RNGTT: variants seen among roughly 807,000 people sequenced by gnomAD.
RNGTT encodes the protein RNA guanylyltransferase and 5'-phosphatase, also known as mRNA-capping enzyme.
A neutral mutation model predicts 79.3 loss-of-function variants in RNGTT; 33 were observed. That is an observed-to-expected ratio of 0.42 (90% CI 0.32 to 0.56). RNGTT has a LOEUF of 0.56. Among genes scored for constraint, RNGTT ranks in the 20% least tolerant of loss-of-function variants. The probability of loss-of-function intolerance (pLI) is 0.17; values close to 1 mark genes in which losing one functional copy is unlikely to be tolerated. For missense variants in RNGTT, 497 were observed against 739.1 expected, an observed-to-expected ratio of 0.67 and a Z score of 3.80; for synonymous variants, 222 against 235.9, an observed-to-expected ratio of 0.94 and a Z score of 0.54.
intron 13 of RNGTT, among the ~76,000 whole-genome samples, chr6:88,695,698 C>G (rs1349446131): frequency 1.3e-5 from 2 of 152,136 alleles, no homozygotes; most frequent in African/African-American, 4.8e-5. Flanking sequence ...TATCTGCACT[C>G]TTGTGTTTAC....
chr6:88,894,241 C>T (rs1783151041), intron 6 of RNGTT, among the ~76,000 whole-genome samples: 1 of 152,110 alleles, frequency 6.6e-6, no homozygotes, highest in South Asian at 2.1e-4. Context: ...CCTGTATTTC[C>T]CTCCCTGGGA....
chr6:88,752,883 A>G (rs935805760), intron 13 of RNGTT, among the ~76,000 whole-genome samples: 1 of 152,144 alleles, frequency 6.6e-6, no homozygotes, highest in Non-Finnish European at 1.5e-5. Flanking sequence ...CCTACTATGT[A>G]CCCACAAAAA....
At chr6:88,836,960 G>A (rs1469271445) in intron 11 of RNGTT, among the ~76,000 whole-genome samples, 1 of 152,066 alleles carries the variant, frequency 6.6e-6, no homozygotes, top group Non-Finnish European at 1.5e-5. Context: ...CACTCAAAGG[G>A]AGAGAAAAAT....
intron 11 of RNGTT, among the ~76,000 whole-genome samples, chr6:88,823,605 T>G (rs1780565089): frequency 6.6e-6 from 1 of 151,236 alleles, no homozygotes; most frequent in Admixed American, 6.6e-5. Flanking sequence ...AAACTGAAAA[T>G]AAATGGAAGA....
chr6:88,900,730 T>C (rs1310471884), intron 6 of RNGTT, among the ~76,000 whole-genome samples: 1 of 138,664 alleles, frequency 7.2e-6, no homozygotes, highest in Non-Finnish European at 1.5e-5. Flanking sequence ...AGAGACTCTG[T>C]CTCAAAAAAA....
chr6:88,780,517 T>C (rs1457317900), intron 12 of RNGTT, among the ~76,000 whole-genome samples: 1 of 152,192 alleles, frequency 6.6e-6, no homozygotes, highest in Non-Finnish European at 1.5e-5. Flanking sequence ...GTCAGAGTAA[T>C]ATAATTCAAT....
chr6:88,959,226 G>A (rs1785534356), intron 1 of RNGTT, among the ~76,000 whole-genome samples: 1 of 143,394 alleles, frequency 7.0e-6, no homozygotes, highest in African/African-American at 2.6e-5. Flanking sequence ...GGAGAGGGGG[G>A]ATGAGGGATA....
At chr6:88,654,762 C>T (rs1456595090) in intron 14 of RNGTT, among the ~76,000 whole-genome samples, 1 of 152,164 alleles carries the variant, frequency 6.6e-6, no homozygotes, top group African/African-American at 2.4e-5. Context: ...ACAAGTCCTA[C>T]CCTGAAGCAG....
intron 11 of RNGTT, among the ~76,000 whole-genome samples, chr6:88,830,531 G>A (rs1318439386): frequency 6.6e-6 from 1 of 151,456 alleles, no homozygotes; most frequent in African/African-American, 2.4e-5. Flanking sequence ...AGAAGTAAGA[G>A]CAAACAAATT....
At chr6:88,840,474 G>A (rs1781242503) in intron 11 of RNGTT, among the ~76,000 whole-genome samples, 1 of 152,172 alleles carries the variant, frequency 6.6e-6, no homozygotes, top group African/African-American at 2.4e-5. Context: ...TTGGCTCACT[G>A]TAGCCTCAAA....
chr6:88,805,305 G>A (rs1779919502), intron 11 of RNGTT, among the ~76,000 whole-genome samples: 1 of 152,192 alleles, frequency 6.6e-6, no homozygotes, highest in Non-Finnish European at 1.5e-5. Flanking sequence ...GTCTGGGCGA[G>A]TGGAACAGTT....
chr6:88,678,854 T>C (rs1202760904), intron 13 of RNGTT, among the ~76,000 whole-genome samples: 1 of 152,160 alleles, frequency 6.6e-6, no homozygotes, highest in Non-Finnish European at 1.5e-5. Flanking sequence ...TCTAATATAT[T>C]AGTAATTCTA....
intron 1 of RNGTT, among the ~76,000 whole-genome samples, chr6:88,959,073 T>G (rs1329284132): frequency 6.6e-6 from 1 of 151,934 alleles, no homozygotes; most frequent in Non-Finnish European, 1.5e-5. Flanking sequence ...CTAGATGGAG[T>G]TGGACCCCAT....
At chr6:88,772,872 G>A (rs1778737686) in intron 12 of RNGTT, among the ~76,000 whole-genome samples, 2 of 152,080 alleles carry the variant, frequency 1.3e-5, no homozygotes, top group Middle Eastern at 3.4e-3. Flanking sequence ...ACTGTTGGTG[G>A]GACTGTAAAC....
At chr6:88,775,719 T>C (rs1026315802) in intron 12 of RNGTT, among the ~76,000 whole-genome samples, 1 of 152,218 alleles carries the variant, frequency 6.6e-6, no homozygotes, top group African/African-American at 2.4e-5. Flanking sequence ...AGTAGCTTCA[T>C]AATAGGTGTT....
At chr6:88,724,467 T>G (rs772538675) in intron 13 of RNGTT, among the ~76,000 whole-genome samples, 9 of 152,198 alleles carry the variant, frequency 5.9e-5, no homozygotes, top group Non-Finnish European at 1.3e-4. Flanking sequence ...CCATATAGCC[T>G]AGGTGTGTGG....
chr6:88,634,557 G>A (rs1773023751), intron 14 of RNGTT, among the ~76,000 whole-genome samples: 1 of 152,036 alleles, frequency 6.6e-6, no homozygotes, highest in African/African-American at 2.4e-5. Flanking sequence ...AAACCTCTGT[G>A]AGTCTGCCCT....
At chr6:88,639,394 T>G (rs1345146999) in intron 14 of RNGTT, among the ~76,000 whole-genome samples, 1 of 152,084 alleles carries the variant, frequency 6.6e-6, no homozygotes, top group African/African-American at 2.4e-5. Context: ...CTTCCTCACT[T>G]CAACATGAAA....
rs550806618 is a variant in RNGTT at position 88,753,949 on chromosome 6, C to T, written c.1439+15825G>A. Among the ~76,000 whole-genome samples the T allele has an allele frequency of 9.2e-5, 14 of 152,190 alleles. No homozygotes were observed. The East Asian group carries it at 1.9e-3, about 21-fold the overall frequency. On this transcript the variant is annotated intron_variant, in intron 13 of 15. Coordinates refer to ENST00000369485, the MANE Select transcript of RNGTT (RefSeq NM_003800.5). ...ATAGAAGTTAAAATAGAACATATGG[C>T]ATTAGACCATAAAGAAAATCTTTAT...
Sources: allele counts gnomAD v4.1 joint callset (sites outside exome capture counted in the v4.1 genomes callset), GRCh38; gene constraint gnomAD v4.1.1; transcripts MANE v1.5; gene names NCBI Gene and HGNC (gene_info 2026-07-23, HGNC 2026-07-21).